ITPK1: variants seen among roughly 807,000 people sequenced by gnomAD.
ITPK1 encodes inositol-tetrakisphosphate 1-kinase, also known as inositol 1,3,4-trisphosphate 5/6-kinase.
A neutral mutation model predicts 45.3 loss-of-function variants in ITPK1; 21 were observed. That is an observed-to-expected ratio of 0.46 (90% CI 0.33 to 0.67). ITPK1 has a LOEUF of 0.67. Ranked by LOEUF, ITPK1 falls within the 30% of genes least tolerant of loss-of-function variation. The probability of loss-of-function intolerance (pLI) is 0.02; values close to 1 mark genes in which losing one functional copy is unlikely to be tolerated. For missense variants in ITPK1, 474 were observed against 573.5 expected, an observed-to-expected ratio of 0.83 and a Z score of 1.77; for synonymous variants, 258 against 253.6, an observed-to-expected ratio of 1.02 and a Z score of -0.16.
At chr14:92,946,234 C>T in intron 10 of ITPK1, 97 bp downstream of exon 10, 1 of 1,416,224 alleles carries the variant, frequency 7.1e-7, no homozygotes, top group Non-Finnish European at 9.8e-7. Context: ...AGGGAGAAAG[C>T]TGGCTTTCTG....
At chr14:92,996,598 C>T (rs1595121620) in intron 4 of ITPK1, among the ~76,000 whole-genome samples, 1 of 152,064 alleles carries the variant, frequency 6.6e-6, no homozygotes, top group East Asian at 1.9e-4. Context: ...AAAGGTCATC[C>T]ACTCAAGAGA....
chr14:92,967,880 A>G (rs1208753337), intron 5 of ITPK1, among the ~76,000 whole-genome samples: 1 of 152,184 alleles, frequency 6.6e-6, no homozygotes, highest in East Asian at 1.9e-4. Context: ...AAAAAAAGAG[A>G]TTAATGGTTG....
rs1044705951 is a variant in ITPK1, at chr14:93,034,247, T to C, written c.121-17446A>G. Among the ~76,000 whole-genome samples, 1 of 147,614 alleles carries C rather than the reference T, an allele frequency of 6.8e-6. No individual in the cohort carries two copies. The highest frequency in any genetic ancestry group is 2.5e-5 in the African/African-American group (1 of 39,600). ...CACCTGCAGCAGCCGGGGGTTCCCATGGCAAACCACCCACCCCCAACACTC... is the reference window on the plus strand; with the variant it reads ...CACCTGCAGCAGCCGGGGGTTCCCACGGCAAACCACCCACCCCCAACACTC... On this transcript the variant is annotated intron_variant, in intron 3 of 10. Transcript: ENST00000267615. This position sits in a 1 kb window ranked among gnomAD's most constrained non-coding sequence, Gnocchi z 4.1.
Position 92,941,437 on chromosome 14 carries a change from A to G in ITPK1, c.*124T>C, listed in dbSNP as rs564885806. The G allele has an allele frequency of 6.3e-6, 9 of 1,419,774 alleles. No homozygotes were observed. In the African/African-American group the frequency reaches 1.2e-4, roughly 19 times the overall value. The allele number at this position is 1,419,774 out of a possible 1,614,324, so 87.9% of individuals were successfully genotyped here. The stretch of plus-strand genomic sequence containing the variant: ...ATCATGACATCAGAGAATCAGGTTA[A>G]AAATTAAAAAACAGAAGAATCAGAT... On this transcript the variant is annotated 3_prime_UTR_variant, in exon 11 of 11. Coordinates refer to ENST00000267615, the MANE Select transcript of ITPK1 (RefSeq NM_014216.6).
intron 2 of ITPK1, among the ~76,000 whole-genome samples, chr14:93,110,158 C>G (rs1595226161): frequency 6.6e-6 from 1 of 152,224 alleles, no homozygotes; most frequent in East Asian, 1.9e-4. Context: ...CTGAGGCAGT[C>G]CCTTCAATAG....
At chr14:93,100,570 G>A (rs567871710) in intron 2 of ITPK1, among the ~76,000 whole-genome samples, 1 of 151,128 alleles carries the variant, frequency 6.6e-6, no homozygotes, top group East Asian at 2.0e-4. Flanking sequence ...GAGAGAGAGA[G>A]AGACAGACAG....
In ITPK1 at chr14:93,016,805, T is replaced by C; in HGVS notation, c.121-4A>G. 6.2e-7 allele frequency: 1 copy of C among 1,613,762 alleles called. No individual in the cohort carries two copies. The highest frequency in any genetic ancestry group is 1.1e-5 in the South Asian group (1 of 91,070). Reference sequence around the variant, plus strand: ...CGATCGGCCGGCTAAGGTTCAGCTGTGAGGCAGGGAACACAGACAAAAGCA... The same window carrying C: ...CGATCGGCCGGCTAAGGTTCAGCTGCGAGGCAGGGAACACAGACAAAAGCA... On this transcript the variant is annotated splice_polypyrimidine_tract_variant and splice_region_variant and intron_variant, in intron 3 of 10. Transcript: ENST00000267615. The surrounding 1 kb of genome is among the most constrained non-coding windows in gnomAD (Gnocchi z 5.0).
intron 3 of ITPK1, among the ~76,000 whole-genome samples, chr14:93,025,244 G>A (rs912026816): frequency 3.9e-5 from 6 of 152,138 alleles, no homozygotes; most frequent in African/African-American, 1.4e-4. Context: ...ACCCCAACCC[G>A]GAAATCAAGA....
intron 5 of ITPK1, among the ~76,000 whole-genome samples, chr14:92,986,207 G>A (rs1291836043): frequency 6.6e-6 from 1 of 152,208 alleles, no homozygotes. Context: ...CTTTCAGCTG[G>A]AAAAACACTA....
rs1377314426 is a variant in ITPK1 at position 92,973,480 on chromosome 14, G to A, written c.365-10631C>T. On this transcript the variant is annotated intron_variant, in intron 5 of 10. Coordinates refer to ENST00000267615, the MANE Select transcript of ITPK1 (RefSeq NM_014216.6). ...GGCAGGACTGGAAAGAGCCTGGCCG[G>A]CCCATCTGTAAGTTCAAGTGCTCTG... Among the ~76,000 whole-genome samples, 3 of 152,370 alleles carry A rather than the reference G, an allele frequency of 2.0e-5. No homozygotes were observed. The East Asian group carries it at 5.8e-4, about 29-fold the overall frequency.
chr14:93,049,073 G>A (rs903397158), intron 3 of ITPK1, among the ~76,000 whole-genome samples: 5 of 152,236 alleles, frequency 3.3e-5, no homozygotes, highest in Non-Finnish European at 7.3e-5. Flanking sequence ...AATCATCACT[G>A]CCACCCAGAG....
intron 9 of ITPK1, among the ~76,000 whole-genome samples, chr14:92,950,739 C>A (rs976306227): frequency 2.0e-5 from 3 of 152,218 alleles, no homozygotes; most frequent in Non-Finnish European, 4.4e-5. Flanking sequence ...GCCCCCAGAG[C>A]AAAGCCATGC....
chr14:92,939,060 C>G lies in ITPK1; in HGVS notation c.*2501G>C, dbSNP rs11622526. On this transcript the variant is annotated 3_prime_UTR_variant, in exon 11 of 11. Coordinates refer to ENST00000267615, the MANE Select transcript of ITPK1 (RefSeq NM_014216.6). ...AGAAGCAGAAGCTTAGGAACCAGAG[C>G]CCCAAGCCACCCCGATGCTGGCGGG... 638 of 156,488 alleles carry G rather than the reference C, an allele frequency of 4.1e-3. 4 individuals carry two copies. Among genetic ancestry groups the G allele is most frequent in the Non-Finnish European group, 7.2e-3 (512 of 70,788 alleles). 9.7% of individuals were successfully genotyped at this position (156,488 alleles called of 1,614,324 possible). A position where few individuals can be genotyped will look rare whatever the true frequency, so the allele number is the denominator to read the frequency against.
At chr14:93,004,846 G>A (rs1887532683) in intron 4 of ITPK1, among the ~76,000 whole-genome samples, 1 of 151,842 alleles carries the variant, frequency 6.6e-6, no homozygotes, top group Non-Finnish European at 1.5e-5. Context: ...ACCACAAAGG[G>A]CCACAGGCAT....
At chr14:93,098,968 A>G (rs1398064554) in intron 2 of ITPK1, among the ~76,000 whole-genome samples, 1 of 152,024 alleles carries the variant, frequency 6.6e-6, no homozygotes, top group African/African-American at 2.4e-5. Flanking sequence ...CCATACTCTA[A>G]CCAGGGCCTG....
At chr14:93,079,417 C>A (rs1296690621) in intron 2 of ITPK1, among the ~76,000 whole-genome samples, 1 of 152,236 alleles carries the variant, frequency 6.6e-6, no homozygotes. Context: ...ACCTGCAGAG[C>A]AGGCCGAGGC....
At chr14:93,051,715 G>T (rs1276725932) in intron 3 of ITPK1, among the ~76,000 whole-genome samples, 1 of 152,168 alleles carries the variant, frequency 6.6e-6, no homozygotes, top group Non-Finnish European at 1.5e-5. Context: ...ACCCCTAGGG[G>T]TGCCTCATAG....
At chr14:92,995,756 C>A (rs541709556) in intron 4 of ITPK1, among the ~76,000 whole-genome samples, 2 of 152,350 alleles carry the variant, frequency 1.3e-5, no homozygotes, top group East Asian at 3.9e-4. Context: ...GACAGTGAAC[C>A]AGGCACTGAT....
intron 5 of ITPK1, among the ~76,000 whole-genome samples, chr14:92,972,104 C>T (rs967403638): frequency 1.1e-4 from 16 of 152,316 alleles, no homozygotes; most frequent in African/African-American, 2.9e-4. Flanking sequence ...CACAAACCAC[C>T]GTCCTACAGC....
Sources: allele counts gnomAD v4.1 joint callset (sites outside exome capture counted in the v4.1 genomes callset), GRCh38; gene constraint gnomAD v4.1.1; non-coding constraint Gnocchi (gnomAD v3.1); transcripts MANE v1.5; gene names NCBI Gene and HGNC (gene_info 2026-07-23, HGNC 2026-07-21).